MRAP2: variants seen among roughly 807,000 people sequenced by gnomAD.
MRAP2 encodes melanocortin 2 receptor accessory protein 2, also known as melanocortin-2 receptor accessory protein 2.
Under a neutral mutation model 17.4 loss-of-function variants are expected in MRAP2, and 20 were observed. The ratio of observed to expected loss-of-function variants is 1.15; its 90% CI spans 0.81 to 1.67. The LOEUF is 1.67. Among genes scored for constraint, MRAP2 ranks in the 40% most tolerant of loss-of-function variants. MRAP2 has a pLI of 0.00. For missense variants in MRAP2, 238 were observed against 240.0 expected, an observed-to-expected ratio of 0.99 and a Z score of 0.05; for synonymous variants, 96 against 88.4, an observed-to-expected ratio of 1.09 and a Z score of -0.48.
rs529866985 is a variant in MRAP2, at chr6:84,043,315, A to C, written c.-8+9432A>C. 1.5e-4 allele frequency among the ~76,000 whole-genome samples: 23 copies of C among 152,346 alleles called. No individual in the cohort carries two copies. In the South Asian group the frequency reaches 4.1e-3, roughly 27 times the overall value. ...CTAGTCTTTGGGGAGTCTGATGTAT[A>C]CTTTCTTGCTACTAAAATGAGAGAT... is the stretch of plus-strand genomic sequence containing the variant. On this transcript the variant is annotated intron_variant, in intron 1 of 3. Transcript: ENST00000257776.
chr6:84,139,082 T>A, the MRAP2 span, among the ~76,000 whole-genome samples: 1 of 152,218 alleles, frequency 6.6e-6, no homozygotes, highest in Non-Finnish European at 1.5e-5. Context: ...TTTCACACTT[T>A]TTAGAATGAA....
At chr6:84,116,006 C>A in the MRAP2 span, among the ~76,000 whole-genome samples, 1 of 152,262 alleles carries the variant, frequency 6.6e-6, no homozygotes, top group East Asian at 1.9e-4. Flanking sequence ...GAGCTGCAGA[C>A]CAGAGCTGTT....
At chr6:84,119,856 C>T in the MRAP2 span, among the ~76,000 whole-genome samples, 1 of 152,220 alleles carries the variant, frequency 6.6e-6, no homozygotes, top group South Asian at 2.1e-4. Flanking sequence ...TTCTAGAAAC[C>T]CCAAAACCAA....
chr6:84,089,618 C>A lies in MRAP2; in HGVS notation c.*137C>A. On this transcript the variant is annotated 3_prime_UTR_variant, in exon 4 of 4. Coordinates refer to ENST00000257776, the MANE Select transcript of MRAP2 (RefSeq NM_138409.4). ...TAGAGACAGAGAGGCAGAGAAGAGACCCCTTTAGAAGAGAGCTGAGCTGAT... is the reference window on the plus strand; with the variant it reads ...TAGAGACAGAGAGGCAGAGAAGAGAACCCTTTAGAAGAGAGCTGAGCTGAT... 1.9e-6 allele frequency: 2 copies of A among 1,035,198 alleles called. No homozygotes were observed. Among genetic ancestry groups the A allele is most frequent in the Non-Finnish European group, 2.8e-6 (2 of 720,226 alleles). 64.1% of individuals were successfully genotyped at this position (1,035,198 alleles called of 1,614,324 possible).
At chr6:84,034,838 C>T (rs1006256226) in intron 1 of MRAP2, among the ~76,000 whole-genome samples, 2 of 152,080 alleles carry the variant, frequency 1.3e-5, no homozygotes, top group African/African-American at 2.4e-5. Flanking sequence ...ATATTAAATA[C>T]GTTTTCCAAG....
chr6:84,144,606 C>T, the MRAP2 span, among the ~76,000 whole-genome samples: 3 of 151,990 alleles, frequency 2.0e-5, no homozygotes, highest in African/African-American at 7.3e-5. Flanking sequence ...CTTCTGATAA[C>T]TTCAAGATCA....
At chr6:84,096,801 A>C in the MRAP2 span, among the ~76,000 whole-genome samples, 1 of 152,122 alleles carries the variant, frequency 6.6e-6, no homozygotes, top group Non-Finnish European at 1.5e-5. Context: ...TGTTGCCCCA[A>C]GCCAGTCAGG....
chr6:84,085,117 C>T (rs945938949), intron 3 of MRAP2, among the ~76,000 whole-genome samples: 24 of 151,414 alleles, frequency 1.6e-4, no homozygotes, highest in Non-Finnish European at 1.6e-4. Context: ...TGCAGTGGCG[C>T]GATCTCGGCT....
chr6:84,099,366 A>T, the MRAP2 span, among the ~76,000 whole-genome samples: 1 of 151,774 alleles, frequency 6.6e-6, no homozygotes, highest in Non-Finnish European at 1.5e-5. Flanking sequence ...CACCTGTTTG[A>T]CACTCATTCC....
intron 1 of MRAP2, among the ~76,000 whole-genome samples, chr6:84,041,091 C>T (rs1334387351): frequency 6.6e-6 from 1 of 152,166 alleles, no homozygotes; most frequent in Non-Finnish European, 1.5e-5. Flanking sequence ...AGTCTAGAGA[C>T]TTGGTGCCCT....
At chr6:84,051,402 C>T (rs932532883) in intron 1 of MRAP2, among the ~76,000 whole-genome samples, 1 of 152,186 alleles carries the variant, frequency 6.6e-6, no homozygotes, top group Non-Finnish European at 1.5e-5. Context: ...ACCAAAAATA[C>T]AAAAATTAGC....
intron 2 of MRAP2, among the ~76,000 whole-genome samples, chr6:84,058,069 G>T (rs1335419658): frequency 1.3e-5 from 2 of 152,150 alleles, no homozygotes; most frequent in South Asian, 2.1e-4. Context: ...AAGGACATGG[G>T]GGGGCCTTAG....
chr6:84,033,621 ACCT>A (rs1350437207), upstream of MRAP2: 1 of 932,054 alleles, frequency 1.1e-6, no homozygotes, highest in African/African-American at 1.8e-5. Context: ...TGCAAAGCTC[ACCT>A]CCTCTTGGCC....
At chr6:84,099,953 T>G in the MRAP2 span, among the ~76,000 whole-genome samples, 1 of 152,012 alleles carries the variant, frequency 6.6e-6, no homozygotes, top group Non-Finnish European at 1.5e-5. Context: ...CTCCACCTCT[T>G]GGGTTCAAGC....
chr6:84,110,088 A>G, the MRAP2 span, among the ~76,000 whole-genome samples: 1 of 152,228 alleles, frequency 6.6e-6, no homozygotes, highest in African/African-American at 2.4e-5. Context: ...TCATAGTAGC[A>G]TGATTTATAA....
At chr6:84,104,786 T>A in the MRAP2 span, among the ~76,000 whole-genome samples, 3 of 152,082 alleles carry the variant, frequency 2.0e-5, no homozygotes, top group Non-Finnish European at 4.4e-5. Flanking sequence ...GAGAATGGCA[T>A]GAACCCAGGA....
the MRAP2 span, among the ~76,000 whole-genome samples, chr6:84,134,160 G>C: frequency 2.6e-5 from 4 of 152,250 alleles, no homozygotes; most frequent in South Asian, 8.3e-4. Context: ...TATGCTATGA[G>C]GGGAAAACTG....
intron 1 of MRAP2, chr6:84,045,431 T>A: frequency 1.0e-6 from 1 of 974,374 alleles, no homozygotes; most frequent in Non-Finnish European, 1.2e-6. Flanking sequence ...CCCCCAGCCG[T>A]CACCCTTCAT....
chr6:84,049,433 A>C (rs548298985), intron 1 of MRAP2, among the ~76,000 whole-genome samples: 3 of 152,240 alleles, frequency 2.0e-5, no homozygotes, highest in African/African-American at 7.2e-5. Context: ...TCAGAAAAAA[A>C]ACACACAAAA....
Sources: gnomAD v4.1 joint callset for allele counts (sites outside exome capture counted in the v4.1 genomes callset) on GRCh38, gnomAD v4.1.1 for gene constraint, MANE v1.5 for transcripts, NCBI Gene and HGNC (gene_info 2026-07-23, HGNC 2026-07-21) for gene names.